Variants in NSMCE2 observed in about 807,000 individuals in gnomAD.
NSMCE2 encodes the protein E3 SUMO-protein ligase NSE2.
Under a neutral mutation model 23.8 loss-of-function variants are expected in NSMCE2, and 24 were observed. The observed-to-expected ratio is 1.01, with a 90% CI of 0.73 to 1.42. The LOEUF is 1.42. Ranked by LOEUF, NSMCE2 falls within the 40% of genes most tolerant of loss-of-function variation. The pLI is 0.00. For missense variants in NSMCE2, 284 were observed against 296.5 expected (o/e 0.96, Z 0.31); for synonymous variants, 92 against 94.1 (o/e 0.98, Z 0.13).
At chr8:125,203,954 G>A (rs1258385961) in intron 5 of NSMCE2, among the ~76,000 whole-genome samples, 1 of 152,108 alleles carries the variant, frequency 6.6e-6, no homozygotes, top group East Asian at 1.9e-4. Context: ...CTTTCCTATG[G>A]GATTCCCTAG....
intron 5 of NSMCE2, among the ~76,000 whole-genome samples, chr8:125,306,525 A>G (rs1339054700): frequency 3.3e-5 from 5 of 152,092 alleles, no homozygotes; most frequent in African/African-American, 7.2e-5. Flanking sequence ...ACAGTATTTG[A>G]GTCAAATGTA....
chr8:125,225,031 C>CTA (rs1451467552), intron 5 of NSMCE2, among the ~76,000 whole-genome samples: 1 of 152,136 alleles, frequency 6.6e-6, no homozygotes, highest in African/African-American at 2.4e-5. Context: ...AGTACTTTTG[C>CTA]TAAAGTCTGT....
At chr8:125,350,908 G>A (rs952104936) in intron 5 of NSMCE2, among the ~76,000 whole-genome samples, 7 of 152,156 alleles carry the variant, frequency 4.6e-5, no homozygotes, top group South Asian at 2.1e-4. Context: ...GTGGCCCTTC[G>A]TGAGGGACAC....
intron 5 of NSMCE2, among the ~76,000 whole-genome samples, chr8:125,231,389 G>A (rs1339169225): frequency 3.3e-5 from 5 of 152,142 alleles, no homozygotes; most frequent in Non-Finnish European, 5.9e-5. Flanking sequence ...AGCAGTTATT[G>A]CAAGAACAAA....
At chr8:125,266,836 A>G (rs1029313793) in intron 5 of NSMCE2, among the ~76,000 whole-genome samples, 1 of 152,136 alleles carries the variant, frequency 6.6e-6, no homozygotes. Context: ...AGACCTTCAA[A>G]TTGTACTCCA....
At chr8:125,360,696 C>T (rs1410256325) in intron 7 of NSMCE2, among the ~76,000 whole-genome samples, 1 of 152,226 alleles carries the variant, frequency 6.6e-6, no homozygotes, top group Non-Finnish European at 1.5e-5. Context: ...TTGAAACCAA[C>T]TCCAGAAGTT....
At position 125,256,866 on chromosome 8, in the gene NSMCE2, TGAGTC is replaced by T. The variant is rs1826443598; in HGVS notation, c.418+74614_418+74618del. On this transcript the variant is annotated intron_variant, in intron 5 of 7. Coordinates refer to ENST00000287437, the MANE Select transcript of NSMCE2 (RefSeq NM_173685.4). ...GCTTGAACCTGGGAAGTGGTTGCAG[TGAGTC>T]GAGATTGTGCCACTGCACTCCAGCC... Among the ~76,000 whole-genome samples the T allele has an allele frequency of 1.6e-5, 2 of 126,866 alleles. 1 individual carries two copies. The highest frequency in any genetic ancestry group is 4.9e-4 in the South Asian group (2 of 4,042). 83.2% of individuals were successfully genotyped at this position (126,866 alleles called of 152,430 possible). A position where few individuals can be genotyped will look rare whatever the true frequency, so the allele number is the denominator to read the frequency against.
chr8:125,269,792 ATAGT>A (rs1276547344), intron 5 of NSMCE2, among the ~76,000 whole-genome samples: 1 of 152,238 alleles, frequency 6.6e-6, no homozygotes, highest in Non-Finnish European at 1.5e-5. Flanking sequence ...GTCATCATCA[ATAGT>A]TAACAACATC....
chr8:125,367,094 T>A lies in NSMCE2; in HGVS notation c.*209T>A. 2.1e-6 allele frequency: 1 copy of A among 485,272 alleles called. No individual in the cohort carries two copies. Among genetic ancestry groups the A allele is most frequent in the Non-Finnish European group, 3.7e-6 (1 of 270,098 alleles). The allele number at this position is 485,272 out of a possible 1,614,324, so 30.1% of individuals were successfully genotyped here. A position where few individuals can be genotyped will look rare whatever the true frequency, so the allele number is the denominator to read the frequency against. ...TTGTTTATTTTTAAGTGTTCTATAA[T>A]GTTAAATAAAACTTTGATCATCTGC... is the stretch of plus-strand genomic sequence containing the variant. On this transcript the variant is annotated 3_prime_UTR_variant, in exon 8 of 8. Transcript: ENST00000287437.
intron 4 of NSMCE2, among the ~76,000 whole-genome samples, chr8:125,165,327 G>A (rs773375458): frequency 2.0e-5 from 3 of 152,204 alleles, no homozygotes; most frequent in African/African-American, 4.8e-5. Flanking sequence ...AGGTAGTTGT[G>A]AAATTAAATT....
intron 5 of NSMCE2, among the ~76,000 whole-genome samples, chr8:125,259,243 G>T (rs377577693): frequency 7.9e-4 from 121 of 152,216 alleles, no homozygotes; most frequent in African/African-American, 2.7e-3. Flanking sequence ...ACAGAGATGG[G>T]CTCCTGAGTG....
chr8:125,324,904 T>G (rs1829600960), intron 5 of NSMCE2, among the ~76,000 whole-genome samples: 1 of 150,254 alleles, frequency 6.7e-6, no homozygotes, highest in Non-Finnish European at 1.5e-5. Context: ...TGATGCAAAT[T>G]GATGTAAGGC....
chr8:125,312,640 CAAAT>C (rs1412753267), intron 5 of NSMCE2, among the ~76,000 whole-genome samples: 1 of 152,074 alleles, frequency 6.6e-6, no homozygotes, highest in Non-Finnish European at 1.5e-5. Context: ...AGTAAATAAA[CAAAT>C]AAATAAATAA....
chr8:125,289,188 A>G (rs972346075), intron 5 of NSMCE2, among the ~76,000 whole-genome samples: 1 of 152,092 alleles, frequency 6.6e-6, no homozygotes, highest in African/African-American at 2.4e-5. Context: ...ACTGGATCAT[A>G]CTTACTTCCT....
At chr8:125,257,440 A>T (rs868571940) in intron 5 of NSMCE2, among the ~76,000 whole-genome samples, 1 of 152,044 alleles carries the variant, frequency 6.6e-6, no homozygotes, top group Non-Finnish European at 1.5e-5. Flanking sequence ...CCTGTGTCAA[A>T]TGTAAACAGT....
intron 5 of NSMCE2, among the ~76,000 whole-genome samples, chr8:125,275,427 C>G (rs1827411461): frequency 6.6e-6 from 1 of 152,186 alleles, no homozygotes; most frequent in African/African-American, 2.4e-5. Context: ...ACTCTTTATT[C>G]TTCCCTGTAC....
At position 125,315,245 on chromosome 8, in the gene NSMCE2, T is replaced by C. The variant is rs965479895; in HGVS notation, c.419-41974T>C. On this transcript the variant is annotated intron_variant, in intron 5 of 7. Transcript: ENST00000287437. Reference sequence around the variant, plus strand: ...AGGCCCCAAGTACCAAACAGAGTAGTGTATGAGCTTCAGTGTCAGAAAGAC... The same window carrying C: ...AGGCCCCAAGTACCAAACAGAGTAGCGTATGAGCTTCAGTGTCAGAAAGAC... Among the ~76,000 whole-genome samples, 6 of 151,958 alleles carry C rather than the reference T, an allele frequency of 3.9e-5. No individual in the cohort carries two copies. The South Asian group carries it at 1.2e-3, about 32-fold the overall frequency.
At chr8:125,141,971 A>T (rs965835655) in intron 3 of NSMCE2, among the ~76,000 whole-genome samples, 1 of 152,064 alleles carries the variant, frequency 6.6e-6, no homozygotes, top group Non-Finnish European at 1.5e-5. Context: ...CTTCTTATGG[A>T]GCATTATTGC....
intron 5 of NSMCE2, among the ~76,000 whole-genome samples, chr8:125,272,165 C>G (rs1827227814): frequency 6.6e-6 from 1 of 151,790 alleles, no homozygotes; most frequent in African/African-American, 2.4e-5. Context: ...AGGCGCCCAC[C>G]ATCATGCCTG....
Sources: allele counts gnomAD v4.1 joint callset (sites outside exome capture counted in the v4.1 genomes callset), GRCh38; gene constraint gnomAD v4.1.1; transcripts MANE v1.5; gene names NCBI Gene and HGNC (gene_info 2026-07-23, HGNC 2026-07-21).